Variants in BCL6 observed in about 807,000 individuals in gnomAD.
The protein encoded by BCL6 is B-cell lymphoma 6 protein.
In BCL6, 7 loss-of-function variants were observed where a neutral mutation model predicts 59.5. That is an observed-to-expected ratio of 0.12 (90% CI 0.07 to 0.22). The LOEUF (loss-of-function observed/expected upper bound fraction) is 0.22. BCL6 is among the 10% of genes least tolerant of loss of function. The pLI, the probability that BCL6 is intolerant of heterozygous loss-of-function variation, is 1.00. For missense variants in BCL6, 685 were observed against 939.4 expected, an observed-to-expected ratio of 0.73 and a Z score of 3.54; for synonymous variants, 339 against 349.7, an observed-to-expected ratio of 0.97 and a Z score of 0.34.
In BCL6 at chr3:187,729,892, G is replaced by T. The variant is rs751896144; in HGVS notation, c.513C>A (p.Ser171Arg). The stretch of plus-strand genomic sequence containing the variant: ...AGGCTCTGCTCTCACACCCAGGGGC[G>T]CTCCTCAGTGGCAGGTTGTTCTCCA... ...EVVENNLPLR[S>R]APGCESRAFA... The change falls in exon 5 of 10, where the codon AGC (serine) becomes AGA (arginine). Residue 171 changes from serine to arginine, a missense_variant. Physicochemically the swap from Ser to Arg is moderately radical, Grantham distance 110 (BLOSUM62 -1). This residue lies in a region of BCL6 where 268 missense variants were observed against 263.8 expected (regional missense o/e 1.02). Transcript: ENST00000406870. The surrounding 1 kb of genome is among the most constrained non-coding windows in gnomAD (Gnocchi z 5.6). 6.2e-7 allele frequency: 1 copy of T among 1,614,088 alleles called. No homozygotes were observed. The highest frequency in any genetic ancestry group is 1.7e-5 in the Admixed American group (1 of 60,006).
intron 1 of BCL6, among the ~76,000 whole-genome samples, chr3:187,744,147 G>C (rs1711753212): frequency 1.3e-5 from 2 of 152,230 alleles, no homozygotes; most frequent in Admixed American, 6.5e-5. Context: ...TAAAATTTAG[G>C]AAAGGGAGGC....
Position 187,725,364 on chromosome 3 carries a change from C to A in BCL6, c.1839+135G>T, listed in dbSNP as rs1416667827. The A allele has an allele frequency of 8.6e-6, 13 of 1,504,088 alleles. No homozygotes were observed. In the Admixed American group the frequency reaches 2.6e-4, roughly 31 times the overall value. 93.2% of individuals were successfully genotyped at this position (1,504,088 alleles called of 1,614,324 possible). On this transcript the variant is annotated intron_variant, in intron 8 of 9. Transcript: ENST00000406870. This position sits in a 1 kb window ranked among gnomAD's most constrained non-coding sequence, Gnocchi z 4.7. ...ACTGAGTGGGACTTTCTCCTGCCCG[C>A]TCTGCTCACCTGCCCGCTCCGCTTG...
intron 1 of BCL6, among the ~76,000 whole-genome samples, chr3:187,744,449 T>A: frequency 6.6e-6 from 1 of 151,498 alleles, no homozygotes; most frequent in East Asian, 2.0e-4. Context: ...GTGTTCAACA[T>A]CCCCGCCCCC....
At chr3:187,742,821 A>G (rs1339615346) in intron 1 of BCL6, among the ~76,000 whole-genome samples, 3 of 152,130 alleles carry the variant, frequency 2.0e-5, no homozygotes, top group South Asian at 2.1e-4. Context: ...AAAAAAGTAT[A>G]TATTTTAAAG....
At chr3:187,731,577 G>T in intron 4 of BCL6, 132 bp downstream of exon 4, 1 of 871,148 alleles carries the variant, frequency 1.1e-6, no homozygotes, top group Non-Finnish European at 1.8e-6. Context: ...GCAGAAGTGT[G>T]CAACAAGAGT....
At chr3:187,735,114 T>C (rs1036143361) in intron 1 of BCL6, among the ~76,000 whole-genome samples, 3 of 152,232 alleles carry the variant, frequency 2.0e-5, no homozygotes, top group Non-Finnish European at 4.4e-5. Context: ...ATAATAATGT[T>C]TTTATCCAGA....
In BCL6 at chr3:187,722,075, C is replaced by A. The variant is rs1718447503; in HGVS notation, c.*383G>T. 1 of 233,376 alleles carries A rather than the reference C, an allele frequency of 4.3e-6. No individual in the cohort carries two copies. The highest frequency in any genetic ancestry group is 8.4e-6 in the Non-Finnish European group (1 of 118,380). 14.5% of individuals were successfully genotyped at this position (233,376 alleles called of 1,614,324 possible). A position where few individuals can be genotyped will look rare whatever the true frequency, so the allele number is the denominator to read the frequency against. On this transcript the variant is annotated 3_prime_UTR_variant, in exon 10 of 10. Coordinates refer to ENST00000406870, the MANE Select transcript of BCL6 (RefSeq NM_001706.5). The stretch of plus-strand genomic sequence containing the variant: ...TGAAGTCTTGTCTTTTAAAAGAATG[C>A]ACATTTACATACAAAAGAAACATCT...
rs1163940184 is a variant in BCL6 at position 187,725,598 on chromosome 3, C to T, written c.1740G>A (p.Gly580=). ...GGTTGGCTGGCCGGTTGAACTGGGC[C>T]CCACAGATGTTGCAACGATAGGGTT... ...GEKPYRCNIC[G]AQFNRPANLK... Residue 580 remains glycine (G), a synonymous_variant, in exon 8 of 10, where the codon GGG becomes GGA. Coordinates refer to ENST00000406870, the MANE Select transcript of BCL6 (RefSeq NM_001706.5). The surrounding 1 kb of genome is among the most constrained non-coding windows in gnomAD (Gnocchi z 4.7). 10 of 1,614,018 alleles carry T rather than the reference C, an allele frequency of 6.2e-6. No homozygotes were observed. The highest frequency in any genetic ancestry group is 1.3e-5 in the African/African-American group (1 of 74,906).
chr3:187,736,465 C>T (rs769607437), intron 1 of BCL6: 1 of 152,246 alleles, frequency 6.6e-6, no homozygotes, highest in African/African-American at 2.4e-5. Flanking sequence ...AATACCTAGG[C>T]TGTTCTTTAA....
At chr3:187,744,356 GTC>G (rs1339472138) in intron 1 of BCL6, among the ~76,000 whole-genome samples, 19 of 144,010 alleles carry the variant, frequency 1.3e-4, no homozygotes, top group Non-Finnish European at 2.6e-4. Flanking sequence ...CCCGCCATCA[GTC>G]TCTCTCCTCG....
intron 7 of BCL6, among the ~76,000 whole-genome samples, chr3:187,726,149 G>T (rs1192768534): frequency 6.6e-6 from 1 of 152,104 alleles, no homozygotes; most frequent in Non-Finnish European, 1.5e-5. Flanking sequence ...AGAACAAACA[G>T]ATTTTTCCGC....
chr3:187,744,103 T>C (rs779365318), intron 1 of BCL6, among the ~76,000 whole-genome samples: 1 of 152,098 alleles, frequency 6.6e-6, no homozygotes, highest in Admixed American at 6.5e-5. Flanking sequence ...GCAGTTCCCT[T>C]TTTACAGAGC....
In BCL6 at chr3:187,725,963, G is replaced by A. The variant is rs780281546; in HGVS notation, c.1709-334C>T. 5.9e-5 allele frequency among the ~76,000 whole-genome samples: 9 copies of A among 152,180 alleles called. No individual in the cohort carries two copies. Among genetic ancestry groups the A allele is most frequent in the African/African-American group, 9.6e-5 (4 of 41,452 alleles). ...TTTGTCATTAGGATTATCTGCCTGC[G>A]GAACCTGGACAAGTCACTCTCCTTC... is the stretch of plus-strand genomic sequence containing the variant. On this transcript the variant is annotated intron_variant, in intron 7 of 9. Coordinates refer to ENST00000406870, the MANE Select transcript of BCL6 (RefSeq NM_001706.5). The surrounding 1 kb of genome is among the most constrained non-coding windows in gnomAD (Gnocchi z 4.7).
intron 1 of BCL6, 56 bp downstream of exon 1, chr3:187,745,354 A>C (rs1711904072): frequency 5.0e-6 from 2 of 402,130 alleles, no homozygotes; most frequent in African/African-American, 2.1e-5. Context: ...ACCAGCGGCA[A>C]CAGCGGCGGC....
intron 1 of BCL6, among the ~76,000 whole-genome samples, chr3:187,745,126 T>A (rs553767962): frequency 3.3e-5 from 5 of 151,896 alleles, no homozygotes; most frequent in South Asian, 2.1e-4. Flanking sequence ...ACAACAATAA[T>A]AATAATAAAT....
intron 1 of BCL6, among the ~76,000 whole-genome samples, 194 bp downstream of exon 1, chr3:187,745,216 A>C (rs1711885045): frequency 1.3e-5 from 2 of 152,310 alleles, no homozygotes; most frequent in South Asian, 2.1e-4. Context: ...CAGCTAGAAT[A>C]AATAAATATA....
intron 1 of BCL6, among the ~76,000 whole-genome samples, chr3:187,744,303 G>T (rs557768755): frequency 6.6e-6 from 1 of 152,156 alleles, no homozygotes. Context: ...GGCATCGCAG[G>T]TGCAGTGCGC....
intron 1 of BCL6, among the ~76,000 whole-genome samples, chr3:187,744,628 A>G (rs1711801245): frequency 1.3e-5 from 2 of 152,172 alleles, no homozygotes; most frequent in East Asian, 1.9e-4. Flanking sequence ...TTCCTTCCAA[A>G]TCTCGGTTCG....
intron 1 of BCL6, 87 bp downstream of exon 1, chr3:187,745,323 A>G (rs1711900870): frequency 5.0e-6 from 2 of 401,214 alleles, no homozygotes; most frequent in Admixed American, 4.4e-5. Flanking sequence ...AATGATCATG[A>G]GCAGCGGCGG....
Sources: gnomAD v4.1 joint callset for allele counts (sites outside exome capture counted in the v4.1 genomes callset) on GRCh38, gnomAD v4.1.1 for gene constraint, gnomAD v4.1.1 regional missense constraint, Gnocchi (gnomAD v3.1) non-coding constraint, MANE v1.5 for transcripts, NCBI Gene and HGNC (gene_info 2026-07-23, HGNC 2026-07-21) for gene names.